ANXA5: variants seen among roughly 807,000 people sequenced by gnomAD.
ANXA5 encodes annexin A5, also known as CBP-I.
A neutral mutation model predicts 48.1 loss-of-function variants in ANXA5; 40 were observed. The ratio of observed to expected loss-of-function variants is 0.83; its 90% CI spans 0.65 to 1.08. The LOEUF is 1.08. Ranked by LOEUF, ANXA5 falls within the 50% of genes least tolerant of loss-of-function variation. The pLI is 0.00. For synonymous variants in ANXA5, 113 were observed against 129.1 expected (o/e 0.88, Z 0.85); for missense variants, 357 against 376.8 (o/e 0.95, Z 0.44).
intron 2 of ANXA5, among the ~76,000 whole-genome samples, chr4:121,694,827 AAC>A (rs1725051103): frequency 6.6e-6 from 1 of 152,242 alleles, no homozygotes; most frequent in Non-Finnish European, 1.5e-5. Flanking sequence ...TTTGATAGAA[AAC>A]AGTCTTGGTG....
At chr4:121,688,942 A>C (rs896793897) in intron 2 of ANXA5, among the ~76,000 whole-genome samples, 1 of 152,144 alleles carries the variant, frequency 6.6e-6, no homozygotes, top group Admixed American at 6.5e-5. Flanking sequence ...CATTCCACCA[A>C]GAGGGAAATC....
rs186009553 is a variant in ANXA5 at position 121,694,188 on chromosome 4, T to C, written c.9+2393A>G. Among the ~76,000 whole-genome samples the C allele has an allele frequency of 2.9e-3, 436 of 151,360 alleles. 5 individuals carry two copies. Among genetic ancestry groups the C allele is most frequent in the African/African-American group, 0.01 (415 of 41,220 alleles). On this transcript the variant is annotated intron_variant, in intron 2 of 12. Coordinates refer to ENST00000296511, the MANE Select transcript of ANXA5 (RefSeq NM_001154.4). The stretch of plus-strand genomic sequence containing the variant: ...GGTGCAGCACACCAACATGGCACCA[T>C]GTATACATATGTAACAAACCTGCAT...
At chr4:121,687,172 C>T (rs1014852524) in intron 2 of ANXA5, among the ~76,000 whole-genome samples, 1 of 151,940 alleles carries the variant, frequency 6.6e-6, no homozygotes, top group African/African-American at 2.4e-5. Context: ...TGGTGGCAGG[C>T]GCCTGTAGTC....
chr4:121,684,173 C>T (rs1560828104), intron 4 of ANXA5, among the ~76,000 whole-genome samples: 1 of 151,828 alleles, frequency 6.6e-6, no homozygotes, highest in Non-Finnish European at 1.5e-5. Flanking sequence ...CATGCATGCA[C>T]TAATTCATTT....
chr4:121,674,319 G>A (rs1388992664), intron 8 of ANXA5, among the ~76,000 whole-genome samples: 1 of 147,886 alleles, frequency 6.8e-6, no homozygotes, highest in Non-Finnish European at 1.5e-5. Context: ...GGGAAGGAAA[G>A]GTGAAGGAAA....
At chr4:121,680,794 T>C (rs866123061) in intron 6 of ANXA5, among the ~76,000 whole-genome samples, 11 of 152,274 alleles carry the variant, frequency 7.2e-5, no homozygotes, top group Middle Eastern at 6.8e-3. Context: ...GCCTTAGCGG[T>C]TGGGAACTTA....
At chr4:121,686,092 G>A (rs1363002094) in intron 3 of ANXA5, among the ~76,000 whole-genome samples, 196 bp downstream of exon 3, 1 of 146,320 alleles carries the variant, frequency 6.8e-6, no homozygotes, top group Admixed American at 7.0e-5. Context: ...TGTGGCCCAA[G>A]ATAATTCTTC....
chr4:121,668,674 AG>A lies in ANXA5; in HGVS notation c.904-148del, dbSNP rs1724561570. The stretch of plus-strand genomic sequence containing the variant: ...GACTTTCACATCAGGAATGTTATGC[AG>A]GGAGTTTCCTACCAATGTAACCTCA... On this transcript the variant is annotated intron_variant, in intron 12 of 12. Coordinates refer to ENST00000296511, the MANE Select transcript of ANXA5 (RefSeq NM_001154.4). 7 of 671,372 alleles carry A rather than the reference AG, an allele frequency of 1.0e-5. No individual in the cohort carries two copies. In the South Asian group the frequency reaches 1.2e-4, roughly 12 times the overall value. The allele number at this position is 671,372 out of a possible 1,614,324, so 41.6% of individuals were successfully genotyped here.
chr4:121,676,152 C>T (rs1724694681), intron 8 of ANXA5, among the ~76,000 whole-genome samples: 1 of 152,166 alleles, frequency 6.6e-6, no homozygotes, highest in Non-Finnish European at 1.5e-5. Flanking sequence ...GCTTGGAAAG[C>T]AGTAAGATCA....
At chr4:121,689,986 G>T (rs144348955) in intron 2 of ANXA5, among the ~76,000 whole-genome samples, 2 of 152,144 alleles carry the variant, frequency 1.3e-5, no homozygotes, top group Non-Finnish European at 2.9e-5. Context: ...AGCATACGCC[G>T]GTAGTAGCTG....
chr4:121,668,303 A>AG lies in ANXA5; in HGVS notation c.*164dup. 1 of 609,866 alleles carries AG rather than the reference A, an allele frequency of 1.6e-6. No individual in the cohort carries two copies. The highest frequency in any genetic ancestry group is 2.8e-5 in the East Asian group (1 of 35,606). 37.8% of individuals were successfully genotyped at this position (609,866 alleles called of 1,614,324 possible). Reference sequence around the variant, plus strand: ...AAGAGATCTCCACTAGAGATCAGAAAGAAGCACCACTATTTTCTTCTATGA... The same window carrying AG: ...AAGAGATCTCCACTAGAGATCAGAAAGGAAGCACCACTATTTTCTTCTATGA... On this transcript the variant is annotated 3_prime_UTR_variant, in exon 13 of 13. Coordinates refer to ENST00000296511, the MANE Select transcript of ANXA5 (RefSeq NM_001154.4).
At chr4:121,696,067 T>A (rs1469223488) in intron 2 of ANXA5, among the ~76,000 whole-genome samples, 2 of 150,994 alleles carry the variant, frequency 1.3e-5, no homozygotes, top group African/African-American at 4.9e-5. Context: ...AATCAGAGCC[T>A]ACGTCCTACA....
At chr4:121,676,480 T>C (rs1210017753) in intron 8 of ANXA5, among the ~76,000 whole-genome samples, 1 of 152,190 alleles carries the variant, frequency 6.6e-6, no homozygotes, top group African/African-American at 2.4e-5. Flanking sequence ...TGGGTTTGTT[T>C]CTTTATCCAT....
At position 121,681,792 on chromosome 4, in the gene ANXA5, T is replaced by G. The variant is rs746008123; in HGVS notation, c.304-31A>C. ...TGGAGATTTTAATAGAGAAAACATG[T>G]CAATAAGATTAAAAAGAAAGTTATT... On this transcript the variant is annotated intron_variant, in intron 5 of 12. Transcript: ENST00000296511. 49 of 1,470,874 alleles carry G rather than the reference T, an allele frequency of 3.3e-5. 1 individual carries two copies. The East Asian group carries it at 1.1e-3, about 33-fold the overall frequency. 91.1% of individuals were successfully genotyped at this position (1,470,874 alleles called of 1,614,324 possible).
At chr4:121,694,303 T>G (rs978935024) in intron 2 of ANXA5, among the ~76,000 whole-genome samples, 7 of 152,022 alleles carry the variant, frequency 4.6e-5, no homozygotes, top group Non-Finnish European at 1.0e-4. Context: ...AATTCTGATG[T>G]TCATGAAGCT....
Position 121,668,361 on chromosome 4 carries a change from G to T in ANXA5, c.*107C>A, listed in dbSNP as rs1025924760. 2.1e-5 allele frequency: 20 copies of T among 947,246 alleles called. No individual in the cohort carries two copies. In the African/African-American group the frequency reaches 3.1e-4, roughly 15 times the overall value. 58.7% of individuals were successfully genotyped at this position (947,246 alleles called of 1,614,324 possible). A position where few individuals can be genotyped will look rare whatever the true frequency, so the allele number is the denominator to read the frequency against. On this transcript the variant is annotated 3_prime_UTR_variant, in exon 13 of 13. Coordinates refer to ENST00000296511, the MANE Select transcript of ANXA5 (RefSeq NM_001154.4). ...GTGTTGGTCATGAGCATGCTAGTAT[G>T]AATAAGGCAATGTGTTAAGCACTGG...
intron 2 of ANXA5, among the ~76,000 whole-genome samples, chr4:121,689,372 T>A (rs1261938773): frequency 6.6e-6 from 1 of 152,198 alleles, no homozygotes; most frequent in East Asian, 1.9e-4. Flanking sequence ...AACTACTAGT[T>A]AAAAGTCAGG....
chr4:121,687,176 T>G (rs1357370933), intron 2 of ANXA5, among the ~76,000 whole-genome samples: 1 of 151,732 alleles, frequency 6.6e-6, no homozygotes, highest in Non-Finnish European at 1.5e-5. Context: ...GGCAGGCGCC[T>G]GTAGTCCCAG....
At chr4:121,686,028 G>GC (rs1491386409) in intron 3 of ANXA5, among the ~76,000 whole-genome samples, 1 of 47,476 alleles carries the variant, frequency 2.1e-5, no homozygotes, top group African/African-American at 5.1e-5. Context: ...AAATTTTTTT[G>GC]CTTTTTTTTT....
Sources: allele counts gnomAD v4.1 joint callset (sites outside exome capture counted in the v4.1 genomes callset), GRCh38; gene constraint gnomAD v4.1.1; transcripts MANE v1.5; gene names NCBI Gene and HGNC (gene_info 2026-07-23, HGNC 2026-07-21).